Variants in KCNIP4 observed in about 807,000 individuals in gnomAD.
KCNIP4 encodes the protein Kv channel-interacting protein 4.
KCNIP4 carries 12 observed loss-of-function variants against 34.0 expected under a neutral mutation model. That is an observed-to-expected ratio of 0.35 (90% CI 0.23 to 0.57). The LOEUF (loss-of-function observed/expected upper bound fraction) is 0.57, where lower values mean the gene tolerates loss of function less well. Among genes scored for constraint, KCNIP4 ranks in the 20% least tolerant of loss-of-function variants. The pLI, the probability that KCNIP4 is intolerant of heterozygous loss-of-function variation, is 0.83. For synonymous variants in KCNIP4, 124 were observed against 102.2 expected, an observed-to-expected ratio of 1.21 and a Z score of -1.29; for missense variants, 238 against 311.7, an observed-to-expected ratio of 0.76 and a Z score of 1.78.
intron 1 of KCNIP4, among the ~76,000 whole-genome samples, chr4:21,729,373 G>A (rs1319639171): frequency 6.6e-6 from 1 of 152,104 alleles, no homozygotes; most frequent in Non-Finnish European, 1.5e-5. Context: ...ACTTAGAATA[G>A]ATGCCACTAT....
In KCNIP4 at chr4:21,077,015, C is replaced by T. The variant is rs77739083; in HGVS notation, c.62-194306G>A. ...TGGCATGAGCCAGTCATCCAAGTTACTTGGGAGGCTGAGACAGGGGAATTT... is the reference window on the plus strand; with the variant it reads ...TGGCATGAGCCAGTCATCCAAGTTATTTGGGAGGCTGAGACAGGGGAATTT... On this transcript the variant is annotated intron_variant, in intron 1 of 8. Coordinates refer to ENST00000382152, the MANE Select transcript of KCNIP4 (RefSeq NM_025221.6). 2.0e-3 allele frequency among the ~76,000 whole-genome samples: 298 copies of T among 152,166 alleles called. 5 individuals carry two copies. In the East Asian group the frequency reaches 0.055, roughly 28 times the overall value.
intron 3 of KCNIP4, among the ~76,000 whole-genome samples, chr4:20,806,062 T>C (rs1446919131): frequency 6.6e-6 from 1 of 152,098 alleles, no homozygotes; most frequent in Admixed American, 6.5e-5. Flanking sequence ...GTTCCATTAT[T>C]TCTAGTTTCC....
At chr4:21,536,019 T>TG (rs1342339927) in intron 1 of KCNIP4, among the ~76,000 whole-genome samples, 1 of 152,164 alleles carries the variant, frequency 6.6e-6, no homozygotes, top group African/African-American at 2.4e-5. Flanking sequence ...GATGATATCA[T>TG]GGGCTGTCTG....
At chr4:21,772,305 T>C (rs1189437382) in intron 1 of KCNIP4, among the ~76,000 whole-genome samples, 6 of 152,210 alleles carry the variant, frequency 3.9e-5, no homozygotes, top group Non-Finnish European at 8.8e-5. Flanking sequence ...TTTTTTGACG[T>C]GCTGCTGGAT....
chr4:21,022,911 C>T (rs1262834782), intron 1 of KCNIP4, among the ~76,000 whole-genome samples: 1 of 150,780 alleles, frequency 6.6e-6, no homozygotes, highest in South Asian at 2.1e-4. Context: ...CTGCAACCTC[C>T]ACCTCCCAGA....
At chr4:21,930,886 G>A (rs1398549419) in intron 1 of KCNIP4, among the ~76,000 whole-genome samples, 1 of 152,068 alleles carries the variant, frequency 6.6e-6, no homozygotes, top group Admixed American at 6.6e-5. Flanking sequence ...TTGCAAGCAG[G>A]TGCTAGTCTT....
chr4:21,030,489 G>A (rs949114142), intron 1 of KCNIP4, among the ~76,000 whole-genome samples: 20 of 152,108 alleles, frequency 1.3e-4, no homozygotes, highest in African/African-American at 3.1e-4. Context: ...AAAACCATCC[G>A]CTGCTCCCCA....
intron 1 of KCNIP4, among the ~76,000 whole-genome samples, chr4:21,827,994 A>G (rs1375727045): frequency 2.0e-5 from 3 of 146,630 alleles, no homozygotes; most frequent in Non-Finnish European, 4.5e-5. Flanking sequence ...ACAGGAAAAA[A>G]GGCACCATTA....
intron 1 of KCNIP4, among the ~76,000 whole-genome samples, chr4:21,670,682 G>A (rs1347744227): frequency 6.6e-6 from 1 of 152,044 alleles, no homozygotes; most frequent in Non-Finnish European, 1.5e-5. Flanking sequence ...TTGAGATGGA[G>A]TCTTGCTCTG....
chr4:21,547,230 T>C (rs1308341165), intron 1 of KCNIP4, among the ~76,000 whole-genome samples: 1 of 152,054 alleles, frequency 6.6e-6, no homozygotes, highest in Non-Finnish European at 1.5e-5. Flanking sequence ...GATAAATACT[T>C]GGAATTGCAA....
At chr4:21,118,780 G>A (rs1441444958) in intron 1 of KCNIP4, among the ~76,000 whole-genome samples, 1 of 151,304 alleles carries the variant, frequency 6.6e-6, no homozygotes, top group African/African-American at 2.4e-5. Context: ...ATGTGTGTAG[G>A]AAGGGGGAAG....
At chr4:21,854,759 T>C (rs1400782599) in intron 1 of KCNIP4, among the ~76,000 whole-genome samples, 1 of 152,234 alleles carries the variant, frequency 6.6e-6, no homozygotes, top group Non-Finnish European at 1.5e-5. Context: ...CAGGCCCTTC[T>C]TTCCAACAAC....
chr4:21,694,123 C>A (rs1452693916), intron 1 of KCNIP4, among the ~76,000 whole-genome samples: 1 of 152,152 alleles, frequency 6.6e-6, no homozygotes, highest in Non-Finnish European at 1.5e-5. Context: ...AACATGATAT[C>A]TGCAATAACA....
intron 1 of KCNIP4, among the ~76,000 whole-genome samples, chr4:21,005,981 C>G (rs1738521701): frequency 2.6e-5 from 4 of 152,150 alleles, no homozygotes; most frequent in Admixed American, 2.6e-4. Flanking sequence ...GCACCTCATG[C>G]CCTTAAAAGT....
At chr4:21,829,404 T>C (rs972564364) in intron 1 of KCNIP4, among the ~76,000 whole-genome samples, 2 of 152,014 alleles carry the variant, frequency 1.3e-5, no homozygotes, top group Non-Finnish European at 2.9e-5. Context: ...TCTCTATTAA[T>C]CATAGATTTC....
intron 1 of KCNIP4, among the ~76,000 whole-genome samples, chr4:21,427,665 A>C (rs1726049159): frequency 6.6e-6 from 1 of 152,184 alleles, no homozygotes; most frequent in African/African-American, 2.4e-5. Flanking sequence ...TCATTAAACT[A>C]AATCCCCAGG....
At chr4:21,658,107 C>G (rs960518371) in intron 1 of KCNIP4, among the ~76,000 whole-genome samples, 3 of 151,888 alleles carry the variant, frequency 2.0e-5, no homozygotes, top group Admixed American at 6.6e-5. Context: ...CAAAGTGCTG[C>G]GATTATAGGC....
At chr4:21,076,768 T>C (rs184967963) in intron 1 of KCNIP4, among the ~76,000 whole-genome samples, 24 of 152,204 alleles carry the variant, frequency 1.6e-4, no homozygotes, top group East Asian at 5.8e-4. Context: ...CCTAAACAGC[T>C]CTCATACACT....
intron 1 of KCNIP4, among the ~76,000 whole-genome samples, chr4:21,733,364 A>T (rs1409724959): frequency 6.6e-6 from 1 of 152,186 alleles, no homozygotes; most frequent in Non-Finnish European, 1.5e-5. Flanking sequence ...GGTCTCAAGT[A>T]TGTTAATACA....
Sources: gnomAD v4.1 joint callset for allele counts (sites outside exome capture counted in the v4.1 genomes callset) on GRCh38, gnomAD v4.1.1 for gene constraint, MANE v1.5 for transcripts, NCBI Gene and HGNC (gene_info 2026-07-23, HGNC 2026-07-21) for gene names.